Variants in TMEM132B observed in about 807,000 individuals in gnomAD.
TMEM132B encodes transmembrane protein 132B.
Under a neutral mutation model 90.8 loss-of-function variants are expected in TMEM132B, and 18 were observed. That is an observed-to-expected ratio of 0.20 (90% CI 0.14 to 0.29). The LOEUF (loss-of-function observed/expected upper bound fraction) is 0.29, where lower values mean the gene tolerates loss of function less well. TMEM132B is among the 10% of genes least tolerant of loss of function. The probability of loss-of-function intolerance (pLI) is 1.00; values close to 1 mark genes in which losing one functional copy is unlikely to be tolerated. For synonymous variants in TMEM132B, 504 were observed against 523.3 expected (o/e 0.96, Z 0.50); for missense variants, 1,096 against 1,326.8 (o/e 0.83, Z 2.70).
At chr12:125,370,540 T>G (rs927998385) in intron 2 of TMEM132B, among the ~76,000 whole-genome samples, 1 of 152,204 alleles carries the variant, frequency 6.6e-6, no homozygotes, top group Non-Finnish European at 1.5e-5. Flanking sequence ...ACTGGGCATC[T>G]GGGCAGTCCC....
chr12:125,479,509 CAAAG>C (rs1179653999), intron 3 of TMEM132B, among the ~76,000 whole-genome samples: 4 of 152,096 alleles, frequency 2.6e-5, no homozygotes, highest in Admixed American at 6.6e-5. Context: ...TCAAAAGAGA[CAAAG>C]AAGGCTATTA....
rs1158637129 is a variant in TMEM132B, at chr12:125,186,622, G to C, written c.-178G>C. On this transcript the variant is annotated 5_prime_UTR_variant, in exon 1 of 9. Transcript: ENST00000682704. This position sits in a 1 kb window ranked among gnomAD's most constrained non-coding sequence, Gnocchi z 6.3. ...GCCGAGCCCAGGAGAGCGCGCAGAGGCGCAGCCGAGGAAGCGCCGCCAGCG... is the reference window on the plus strand; with the variant it reads ...GCCGAGCCCAGGAGAGCGCGCAGAGCCGCAGCCGAGGAAGCGCCGCCAGCG... 1.4e-5 allele frequency among the ~76,000 whole-genome samples: 2 copies of C among 146,852 alleles called. No individual in the cohort carries two copies. Among genetic ancestry groups the C allele is most frequent in the Non-Finnish European group, 3.0e-5 (2 of 65,978 alleles).
At chr12:125,508,078 A>G (rs1882890877) in intron 3 of TMEM132B, among the ~76,000 whole-genome samples, 2 of 152,246 alleles carry the variant, frequency 1.3e-5, no homozygotes, top group African/African-American at 2.4e-5. Flanking sequence ...AGAAGAGTTA[A>G]GGACGACCAA....
At chr12:125,515,224 ATT>A (rs745546198) in intron 3 of TMEM132B, among the ~76,000 whole-genome samples, 1 of 141,336 alleles carries the variant, frequency 7.1e-6, no homozygotes, top group Non-Finnish European at 1.5e-5. Context: ...ACGTTCACAC[ATT>A]CTCTCACACA....
chr12:125,411,170 TG>T (rs1299119424), intron 2 of TMEM132B, among the ~76,000 whole-genome samples: 2 of 69,990 alleles, frequency 2.9e-5, no homozygotes, highest in South Asian at 1.2e-3. Flanking sequence ...TGGAGTGGAG[TG>T]GAGTGGAGTG....
rs1236665349 is a variant in TMEM132B at position 125,408,647 on chromosome 12, A to AT, written c.960-6880dup. On this transcript the variant is annotated intron_variant, in intron 2 of 8. Coordinates refer to ENST00000682704, the MANE Select transcript of TMEM132B (RefSeq NM_001366854.1). This position sits in a 1 kb window ranked among gnomAD's most constrained non-coding sequence, Gnocchi z 5.9. The stretch of plus-strand genomic sequence containing the variant: ...GCAATGAGCATTTTGGGTTGTTTCC[A>AT]TTTTGGGCTGATGGCAGGGCTGTCG... 6.6e-6 allele frequency among the ~76,000 whole-genome samples: 1 copy of AT among 152,152 alleles called. No individual in the cohort carries two copies. Among genetic ancestry groups the AT allele is most frequent in the Non-Finnish European group, 1.5e-5 (1 of 68,038 alleles).
At chr12:125,288,777 C>T (rs549801579) in intron 1 of TMEM132B, among the ~76,000 whole-genome samples, 10 of 152,256 alleles carry the variant, frequency 6.6e-5, no homozygotes, top group Non-Finnish European at 1.2e-4. Flanking sequence ...TCCCCAAATT[C>T]GTGACAACCA....
rs368207555 is a variant in TMEM132B at position 125,349,805 on chromosome 12, G to A, written c.421G>A (p.Val141Met). The change falls in exon 2 of 9, where the codon GTG becomes ATG. Residue 141 changes from valine (V) to methionine (M), a missense_variant. By Grantham distance (21) the Val-to-Met change is conservative. Coordinates refer to ENST00000682704, the MANE Select transcript of TMEM132B (RefSeq NM_001366854.1). This position sits in a 1 kb window ranked among gnomAD's most constrained non-coding sequence, Gnocchi z 4.1. Reference sequence around the variant, plus strand: ...CTCCATCTACTCCAACAGACCCAAAGTGCAGACCTTGTTTTATGTCACTGG... The same window carrying A: ...CTCCATCTACTCCAACAGACCCAAAATGCAGACCTTGTTTTATGTCACTGG... The part of the protein sequence containing the change: ...DSSIYSNRPK[V>M]QTLFYVTGMG... 12 of 1,614,110 alleles carry A rather than the reference G, an allele frequency of 7.4e-6. No homozygotes were observed. In the African/African-American group the frequency reaches 1.3e-4, roughly 18 times the overall value.
intron 2 of TMEM132B, among the ~76,000 whole-genome samples, chr12:125,354,783 T>C (rs150582724): frequency 2.6e-5 from 4 of 152,348 alleles, no homozygotes; most frequent in African/African-American, 9.6e-5. Context: ...TTCTCTTTTA[T>C]GCTATAATTA....
chr12:125,221,894 GGA>G (rs1873567581), intron 1 of TMEM132B, among the ~76,000 whole-genome samples: 1 of 152,208 alleles, frequency 6.6e-6, no homozygotes, highest in African/African-American at 2.4e-5. Context: ...TTTGTGGGCT[GGA>G]GCCCAACTAG....
intron 5 of TMEM132B, among the ~76,000 whole-genome samples, chr12:125,601,564 T>G (rs765963346): frequency 2.0e-5 from 3 of 151,618 alleles, no homozygotes; most frequent in Non-Finnish European, 4.4e-5. Flanking sequence ...GCTAGAGAAG[T>G]AAGAGCAAAC....
rs551260640 is a variant in TMEM132B, at chr12:125,588,111, A to G, written c.1437+4117A>G. 3.3e-5 allele frequency: 5 copies of G among 152,196 alleles called. No individual in the cohort carries two copies. The South Asian group carries it at 1.0e-3, about 32-fold the overall frequency. 9.4% of individuals were successfully genotyped at this position (152,196 alleles called of 1,614,324 possible). On this transcript the variant is annotated intron_variant, in intron 5 of 8. Transcript: ENST00000682704. ...AGCTCAATATAAAGAAAAAGACTGCAGAGGTAGTGAGTTCTTTGGTTGAGC... is the reference window on the plus strand; with the variant it reads ...AGCTCAATATAAAGAAAAAGACTGCGGAGGTAGTGAGTTCTTTGGTTGAGC...
intron 1 of TMEM132B, among the ~76,000 whole-genome samples, chr12:125,308,972 G>A (rs1244788060): frequency 6.6e-6 from 1 of 151,960 alleles, no homozygotes; most frequent in Non-Finnish European, 1.5e-5. Flanking sequence ...TCTGCAACTT[G>A]CTTTTTTTCA....
intron 1 of TMEM132B, among the ~76,000 whole-genome samples, chr12:125,321,475 TC>T (rs147342761): frequency 1.3e-4 from 12 of 91,662 alleles, no homozygotes; most frequent in Non-Finnish European, 2.2e-4. Context: ...TGAAAATGAT[TC>T]TTTTTTTTTT....
rs567352060 is a variant in TMEM132B at position 125,376,297 on chromosome 12, G to A, written c.959+25954G>A. Among the ~76,000 whole-genome samples the A allele has an allele frequency of 3.3e-5, 5 of 152,146 alleles. No homozygotes were observed. The South Asian group carries it at 1.0e-3, about 32-fold the overall frequency. On this transcript the variant is annotated intron_variant, in intron 2 of 8. Transcript: ENST00000682704. ...ATATTGCTTTTTTTTTCCACTTCAA[G>A]TGCTGATATATTGCTTCCTCCCCAG...
intron 4 of TMEM132B, among the ~76,000 whole-genome samples, chr12:125,576,817 C>A (rs1470184356): frequency 6.6e-6 from 1 of 151,832 alleles, no homozygotes; most frequent in Non-Finnish European, 1.5e-5. Flanking sequence ...TGGGATAATT[C>A]CCACTTGTTA....
At chr12:125,536,340 G>C (rs1666668680) in intron 4 of TMEM132B, among the ~76,000 whole-genome samples, 1 of 152,236 alleles carries the variant, frequency 6.6e-6, no homozygotes. Context: ...GCTTCAGTAG[G>C]AAGCAGCACT....
intron 2 of TMEM132B, among the ~76,000 whole-genome samples, chr12:125,398,841 G>A (rs776666958): frequency 6.6e-6 from 1 of 152,166 alleles, no homozygotes; most frequent in Non-Finnish European, 1.5e-5. Flanking sequence ...GCTCAGCTGG[G>A]TCCTCAGCTT....
At chr12:125,549,241 T>C (rs1055487111) in intron 4 of TMEM132B, among the ~76,000 whole-genome samples, 1 of 152,232 alleles carries the variant, frequency 6.6e-6, no homozygotes, top group Admixed American at 6.5e-5. Context: ...TAAGCATTTA[T>C]CAGGTTAATC....
Sources: gnomAD v4.1 joint callset for allele counts (sites outside exome capture counted in the v4.1 genomes callset) on GRCh38, gnomAD v4.1.1 for gene constraint, Gnocchi (gnomAD v3.1) non-coding constraint, MANE v1.5 for transcripts, NCBI Gene and HGNC (gene_info 2026-07-23, HGNC 2026-07-21) for gene names.